Variants in PHLPP1 observed in about 807,000 individuals in gnomAD.
The protein encoded by PHLPP1 is PH domain leucine-rich repeat-containing protein phosphatase 1.
Under a neutral mutation model 117.2 loss-of-function variants are expected in PHLPP1, and 42 were observed. That is an observed-to-expected ratio of 0.36 (90% CI 0.28 to 0.46). The LOEUF (loss-of-function observed/expected upper bound fraction) is 0.46, where lower values mean the gene tolerates loss of function less well. Ranked by LOEUF, PHLPP1 falls within the 20% of genes least tolerant of loss-of-function variation. PHLPP1 has a pLI of 1.00. For missense variants in PHLPP1, 2,084 were observed against 2,241.9 expected (o/e 0.93, Z 1.42); for synonymous variants, 1,042 against 970.7 (o/e 1.07, Z -1.37).
intron 3 of PHLPP1, 73 bp downstream of exon 3, chr18:62,838,982 G>A: frequency 6.6e-7 from 1 of 1,515,802 alleles, no homozygotes; most frequent in South Asian, 1.2e-5. Flanking sequence ...CTTTAGCTGG[G>A]TCTAAAATAT....
chr18:62,748,255 T>G (rs1911738390), intron 1 of PHLPP1, among the ~76,000 whole-genome samples: 1 of 151,708 alleles, frequency 6.6e-6, no homozygotes, highest in South Asian at 2.1e-4. Context: ...TTGTTTTTTT[T>G]TTTTTTGAGA....
In PHLPP1 at chr18:62,885,074, G is replaced by GT. The variant is rs537079253; in HGVS notation, c.2067-9936dup. On this transcript the variant is annotated intron_variant, in intron 4 of 16. Transcript: ENST00000262719. ...GTAACTCACATGCAAAAATAGCTTTGTACCTACATTTTTGAGTATAGATTG... is the reference window on the plus strand; with the variant it reads ...GTAACTCACATGCAAAAATAGCTTTGTTACCTACATTTTTGAGTATAGATTG... Among the ~76,000 whole-genome samples the GT allele has an allele frequency of 1.4e-3, 212 of 152,208 alleles. 1 individual carries two copies. Among genetic ancestry groups the GT allele is most frequent in the Middle Eastern group, 3.4e-3 (1 of 292 alleles).
chr18:62,924,165 T>C (rs1175160789), intron 10 of PHLPP1, among the ~76,000 whole-genome samples: 1 of 152,206 alleles, frequency 6.6e-6, no homozygotes, highest in Non-Finnish European at 1.5e-5. Context: ...TGTTGTTGGA[T>C]GATACAAAGC....
At position 62,860,891 on chromosome 18, in the gene PHLPP1, G is replaced by C. The variant is rs111343624; in HGVS notation, c.2066+290G>C. On this transcript the variant is annotated intron_variant, in intron 4 of 16. Transcript: ENST00000262719. ...CTTTTATTCCTATCTAAAAATGCAT[G>C]TGCAAAAAATTAATAACATTTGGTG... 8.1e-3 allele frequency among the ~76,000 whole-genome samples: 1,235 copies of C among 152,254 alleles called. 20 individuals carry two copies. The highest frequency in any genetic ancestry group is 0.028 in the African/African-American group (1,180 of 41,564).
At chr18:62,915,277 A>C (rs1399526627) in intron 9 of PHLPP1, among the ~76,000 whole-genome samples, 1 of 152,206 alleles carries the variant, frequency 6.6e-6, no homozygotes, top group East Asian at 1.9e-4. Flanking sequence ...AGCCAAAAAC[A>C]ATCTTTGAAG....
chr18:62,891,973 A>C (rs1916427885), intron 4 of PHLPP1, among the ~76,000 whole-genome samples: 1 of 151,336 alleles, frequency 6.6e-6, no homozygotes, highest in Admixed American at 6.6e-5. Flanking sequence ...TATTAACATA[A>C]ATGATGTTTT....
In PHLPP1 at chr18:62,936,443, A is replaced by G. The variant is rs146133976; in HGVS notation, c.2961-5275A>G. Among the ~76,000 whole-genome samples, 570 of 152,374 alleles carry G rather than the reference A, an allele frequency of 3.7e-3. 2 individuals are homozygous for G. Among genetic ancestry groups the G allele is most frequent in the Non-Finnish European group, 6.1e-3 (417 of 68,038 alleles). ...TGATTGTTACAAGCACAAATGCTAA[A>G]TTAATGGGCAAAAGTATGAGAAACA... is the stretch of plus-strand genomic sequence containing the variant. On this transcript the variant is annotated intron_variant, in intron 10 of 16. Transcript: ENST00000262719.
rs60920082 is a variant in PHLPP1 at position 62,872,986 on chromosome 18, C to CAAAAAAAA, written c.2066+12399_2066+12406dup. Among the ~76,000 whole-genome samples, 12 of 54,620 alleles carry CAAAAAAAA rather than the reference C, an allele frequency of 2.2e-4. 1 individual carries two copies. Among genetic ancestry groups the CAAAAAAAA allele is most frequent in the East Asian group, 7.0e-4 (1 of 1,426 alleles). 35.8% of individuals were successfully genotyped at this position (54,620 alleles called of 152,430 possible). On this transcript the variant is annotated intron_variant, in intron 4 of 16. Coordinates refer to ENST00000262719, the MANE Select transcript of PHLPP1 (RefSeq NM_194449.4). ...TGGGCGACAGAGCAAAACTCTGCCTCAAAAAAAAAAAAAAAAAAAAAGAAA... is the reference window on the plus strand; with the variant it reads ...TGGGCGACAGAGCAAAACTCTGCCTCAAAAAAAAAAAAAAAAAAAAAAAAAAAAAGAAA...
Position 62,715,993 on chromosome 18 carries a change from G to C in PHLPP1, c.310G>C (p.Gly104Arg), listed in dbSNP as rs1196365767. 3 of 1,343,336 alleles carry C rather than the reference G, an allele frequency of 2.2e-6. No homozygotes were observed. The highest frequency in any genetic ancestry group is 6.3e-5 in the East Asian group (2 of 31,952). The allele number at this position is 1,343,336 out of a possible 1,614,324, so 83.2% of individuals were successfully genotyped here. A position where few individuals can be genotyped will look rare whatever the true frequency, so the allele number is the denominator to read the frequency against. Reference protein sequence around the residue: ...RRRGAPQPIAGGAAPVPGAGG... With the variant: ...RRRGAPQPIARGAAPVPGAGG... Reference sequence around the variant, plus strand: ...GCGCGGGGCGCCCCAGCCCATTGCCGGCGGGGCTGCCCCCGTACCCGGGGC... The same window carrying C: ...GCGCGGGGCGCCCCAGCCCATTGCCCGCGGGGCTGCCCCCGTACCCGGGGC... Residue 104 changes from glycine (G) to arginine (R), a missense_variant, in exon 1 of 17, where the codon GGC (glycine) becomes CGC (arginine). This residue lies in a region of PHLPP1 where 719 missense variants were observed against 636.0 expected (regional missense o/e 1.13). Coordinates refer to ENST00000262719, the MANE Select transcript of PHLPP1 (RefSeq NM_194449.4).
intron 1 of PHLPP1, among the ~76,000 whole-genome samples, chr18:62,803,644 C>T (rs1913850203): frequency 6.6e-6 from 1 of 152,138 alleles, no homozygotes; most frequent in Admixed American, 6.6e-5. Context: ...ACAAATAATG[C>T]CGCCATGAAC....
At chr18:62,858,422 C>T (rs1451585709) in intron 3 of PHLPP1, among the ~76,000 whole-genome samples, 1 of 152,114 alleles carries the variant, frequency 6.6e-6, no homozygotes, top group Non-Finnish European at 1.5e-5. Context: ...ACCACTACGC[C>T]CAGCTAATTT....
chr18:62,834,450 T>C (rs1914835968), intron 2 of PHLPP1, among the ~76,000 whole-genome samples: 1 of 152,178 alleles, frequency 6.6e-6, no homozygotes, highest in Non-Finnish European at 1.5e-5. Context: ...GAGTTCTGCA[T>C]AGGGGACAAT....
intron 4 of PHLPP1, among the ~76,000 whole-genome samples, chr18:62,864,473 ACAAAGC>A (rs1915720863): frequency 1.3e-5 from 2 of 152,254 alleles, no homozygotes; most frequent in Non-Finnish European, 2.9e-5. Flanking sequence ...GAGGTCAGTC[ACAAAGC>A]GTAGGTCTGG....
At chr18:62,771,199 G>A (rs1183435205) in intron 1 of PHLPP1, among the ~76,000 whole-genome samples, 1 of 145,990 alleles carries the variant, frequency 6.8e-6, no homozygotes, top group Non-Finnish European at 1.5e-5. Context: ...GGGCGACAGA[G>A]TGAGACTGTC....
intron 10 of PHLPP1, among the ~76,000 whole-genome samples, chr18:62,940,615 C>T (rs1371553503): frequency 1.3e-5 from 2 of 152,012 alleles, no homozygotes; most frequent in Admixed American, 6.6e-5. Flanking sequence ...CCGCCTGCCT[C>T]GGCCTCCCAA....
At chr18:62,946,034 T>C (rs77798929) in intron 12 of PHLPP1, among the ~76,000 whole-genome samples, 1,778 of 152,312 alleles carry the variant, frequency 0.012, 15 homozygotes, top group South Asian at 0.045. Flanking sequence ...TTATATACAA[T>C]GTAGTTTTTC....
chr18:62,932,346 G>A (rs1568165752), intron 10 of PHLPP1, among the ~76,000 whole-genome samples: 1 of 152,078 alleles, frequency 6.6e-6, no homozygotes, highest in Non-Finnish European at 1.5e-5. Context: ...TATCTCTGAT[G>A]AACATAGACA....
At chr18:62,806,724 A>G (rs980890462) in intron 1 of PHLPP1, among the ~76,000 whole-genome samples, 4 of 152,194 alleles carry the variant, frequency 2.6e-5, no homozygotes, top group Non-Finnish European at 5.9e-5. Context: ...TTAGCTTGAC[A>G]TCTTTTTTGA....
Position 62,716,647 on chromosome 18 carries a change from G to A in PHLPP1, c.964G>A (p.Asp322Asn). The part of the protein sequence containing the change: ...WSRRASPAPS[D>N]SSPGEPFVGG... ...GCGCCGCGCCAGCCCAGCGCCCTCG[G>A]ACTCCAGCCCCGGCGAGCCGTTCGT... The change falls in exon 1 of 17, where the codon GAC becomes AAC. Residue 322 changes from aspartate to asparagine, a missense_variant. Asp to Asn is a conservative substitution (Grantham distance 23, BLOSUM62 1). This residue lies in a region of PHLPP1 where 719 missense variants were observed against 636.0 expected (regional missense o/e 1.13). Transcript: ENST00000262719. The surrounding 1 kb of genome is among the most constrained non-coding windows in gnomAD (Gnocchi z 5.7). The A allele has an allele frequency of 7.1e-7, 1 of 1,411,170 alleles. No homozygotes were observed. The highest frequency in any genetic ancestry group is 3.0e-5 in the East Asian group (1 of 32,888). The allele number at this position is 1,411,170 out of a possible 1,614,324, so 87.4% of individuals were successfully genotyped here. A position where few individuals can be genotyped will look rare whatever the true frequency, so the allele number is the denominator to read the frequency against.
Sources: allele counts gnomAD v4.1 joint callset (sites outside exome capture counted in the v4.1 genomes callset), GRCh38; gene constraint gnomAD v4.1.1; regional missense constraint gnomAD v4.1.1; non-coding constraint Gnocchi (gnomAD v3.1); transcripts MANE v1.5; gene names NCBI Gene and HGNC (gene_info 2026-07-23, HGNC 2026-07-21).